DMXL1: variants seen among roughly 807,000 people sequenced by gnomAD.
DMXL1 encodes the protein dmX-like protein 1.
In DMXL1, 99 loss-of-function variants were observed where a neutral mutation model predicts 319.2. The ratio of observed to expected loss-of-function variants is 0.31; its 90% CI spans 0.26 to 0.37. The LOEUF is 0.37. Ranked by LOEUF, DMXL1 falls within the 10% of genes least tolerant of loss-of-function variation. The probability of loss-of-function intolerance (pLI) is 1.00; values close to 1 mark genes in which losing one functional copy is unlikely to be tolerated. For synonymous variants in DMXL1, 1,385 were observed against 1,235.2 expected, an observed-to-expected ratio of 1.12 and a Z score of -2.54; for missense variants, 3,745 against 3,595.6, an observed-to-expected ratio of 1.04 and a Z score of -1.06.
At chr5:119,089,542 A>T (rs965738053) in intron 1 of DMXL1, among the ~76,000 whole-genome samples, 6 of 150,516 alleles carry the variant, frequency 4.0e-5, no homozygotes, top group Non-Finnish European at 7.4e-5. Flanking sequence ...TCCTGGCCTC[A>T]AGTGATCTAC....
intron 24 of DMXL1, 25 bp from the exon 25 acceptor site, chr5:119,171,752 AC>A (rs1421622360): frequency 6.4e-7 from 1 of 1,573,446 alleles, no homozygotes; most frequent in Non-Finnish European, 8.6e-7. Context: ...TAGTTGGTTA[AC>A]CTTTTATCCC....
intron 8 of DMXL1, among the ~76,000 whole-genome samples, chr5:119,119,781 G>C (rs923624041): frequency 3.9e-5 from 6 of 152,034 alleles, no homozygotes; most frequent in Non-Finnish European, 8.8e-5. Flanking sequence ...AAAGGACTGG[G>C]ATTACAGGCA....
At chr5:119,140,845 G>A (rs777197824) in intron 13 of DMXL1, among the ~76,000 whole-genome samples, 1 of 152,062 alleles carries the variant, frequency 6.6e-6, no homozygotes, top group Non-Finnish European at 1.5e-5. Context: ...GAATATCAAT[G>A]CAAAAATCCT....
chr5:119,172,823 G>A (rs1774860177), intron 25 of DMXL1, among the ~76,000 whole-genome samples: 1 of 151,474 alleles, frequency 6.6e-6, no homozygotes, highest in African/African-American at 2.4e-5. Flanking sequence ...TCCTGATGGT[G>A]GACTGTCCTA....
chr5:119,238,881 G>A (rs1788240569), intron 40 of DMXL1, 108 bp from the exon 41 acceptor site: 6 of 1,497,162 alleles, frequency 4.0e-6, no homozygotes, highest in Non-Finnish European at 5.3e-6. Context: ...ACGATACAGA[G>A]GATTTAAGAA....
intron 25 of DMXL1, among the ~76,000 whole-genome samples, chr5:119,174,324 C>T (rs1775356930): frequency 6.7e-6 from 1 of 148,598 alleles, no homozygotes; most frequent in Non-Finnish European, 1.5e-5. Context: ...TCGGAACTCA[C>T]ACTTCACTTC....
intron 13 of DMXL1, among the ~76,000 whole-genome samples, chr5:119,136,023 C>A (rs1765912030): frequency 6.6e-6 from 1 of 152,170 alleles, no homozygotes; most frequent in Non-Finnish European, 1.5e-5. Flanking sequence ...TTTGGAACTT[C>A]CTAGAGACTT....
intron 28 of DMXL1, among the ~76,000 whole-genome samples, chr5:119,183,785 A>G (rs1777201316): frequency 6.6e-6 from 1 of 152,096 alleles, no homozygotes; most frequent in South Asian, 2.1e-4. Context: ...TAGACTTTTC[A>G]TTGAAGACCA....
At chr5:119,175,417 CTATA>C (rs1775609631) in intron 26 of DMXL1, 80 bp downstream of exon 26, 1 of 965,920 alleles carries the variant, frequency 1.0e-6, no homozygotes, top group Non-Finnish European at 1.6e-6. Flanking sequence ...TGGTTTAGAA[CTATA>C]TATAACAGTC....
At chr5:119,204,778 G>A (rs1408919792) in intron 33 of DMXL1, among the ~76,000 whole-genome samples, 1 of 152,130 alleles carries the variant, frequency 6.6e-6, no homozygotes, top group Non-Finnish European at 1.5e-5. Flanking sequence ...GAGTAGCATT[G>A]AACTAGTCTG....
At chr5:119,225,606 T>C (rs1275688247) in intron 38 of DMXL1, among the ~76,000 whole-genome samples, 1 of 152,132 alleles carries the variant, frequency 6.6e-6, no homozygotes, top group East Asian at 1.9e-4. Flanking sequence ...TCTGATAAAA[T>C]GCAGTTAACA....
chr5:119,126,230 C>T (rs1255394552), intron 9 of DMXL1, among the ~76,000 whole-genome samples: 1 of 152,154 alleles, frequency 6.6e-6, no homozygotes, highest in African/African-American at 2.4e-5. Context: ...TTGTAGTGAG[C>T]TGAGATTGCG....
At chr5:119,173,774 G>GTATATATATATATATA (rs1306952541) in intron 25 of DMXL1, among the ~76,000 whole-genome samples, 1 of 33,660 alleles carries the variant, frequency 3.0e-5, no homozygotes, top group Non-Finnish European at 5.3e-5. Context: ...ATATGTGTGT[G>GTATATATATATATATA]TGTATATATA....
intron 19 of DMXL1, among the ~76,000 whole-genome samples, chr5:119,155,257 G>C (rs1770750132): frequency 6.6e-6 from 1 of 152,150 alleles, no homozygotes; most frequent in African/African-American, 2.4e-5. Flanking sequence ...GGCTATAGCT[G>C]CTATAGATAA....
chr5:119,074,764 T>C (rs1018483490), intron 1 of DMXL1, among the ~76,000 whole-genome samples: 1 of 152,230 alleles, frequency 6.6e-6, no homozygotes, highest in Admixed American at 6.5e-5. Flanking sequence ...CAGTCTTGCC[T>C]TGTGGATTGT....
At chr5:119,085,117 C>A (rs1753068886) in intron 1 of DMXL1, among the ~76,000 whole-genome samples, 1 of 151,812 alleles carries the variant, frequency 6.6e-6, no homozygotes, top group African/African-American at 2.4e-5. Context: ...TCACATGAGG[C>A]CAAGAGTTCA....
chr5:119,189,733 A>G lies in DMXL1; in HGVS notation c.7161A>G (p.Glu2387=), dbSNP rs760911890. ...TTTCTTCACTAGTTGAAGAAGGAGA[A>G]AAACAGAACAAACGTTTTAGGCCGT... The part of the protein sequence containing the change: ...LPVSSLVEEG[E]KQNKRFRPSK... Residue 2387 remains glutamate, a synonymous_variant, in exon 29 of 44, where the codon GAA becomes GAG. Coordinates refer to ENST00000539542, the MANE Select transcript of DMXL1 (RefSeq NM_001290321.3). 5 of 1,614,066 alleles carry G rather than the reference A, an allele frequency of 3.1e-6. No individual in the cohort carries two copies. The highest frequency in any genetic ancestry group is 1.1e-5 in the South Asian group (1 of 91,078).
intron 4 of DMXL1, among the ~76,000 whole-genome samples, chr5:119,106,566 C>T (rs1163994673): frequency 1.3e-5 from 2 of 152,034 alleles, no homozygotes; most frequent in African/African-American, 4.8e-5. Flanking sequence ...CCTTTAAAGT[C>T]ATGCTAAAAA....
At chr5:119,238,951 G>T in intron 40 of DMXL1, 38 bp from the exon 41 acceptor site, 3 of 1,609,814 alleles carry the variant, frequency 1.9e-6, no homozygotes, top group Non-Finnish European at 2.5e-6. Flanking sequence ...GACATTTTTA[G>T]TGAGAGGAGT....
Sources: allele counts gnomAD v4.1 joint callset (sites outside exome capture counted in the v4.1 genomes callset), GRCh38; gene constraint gnomAD v4.1.1; transcripts MANE v1.5; gene names NCBI Gene and HGNC (gene_info 2026-07-23, HGNC 2026-07-21).